KANK4: variants seen among roughly 807,000 people sequenced by gnomAD.
KANK4 encodes the protein KN motif and ankyrin repeat domains 4.
Under a neutral mutation model 80.8 loss-of-function variants are expected in KANK4, and 50 were observed. The ratio of observed to expected loss-of-function variants is 0.62; its 90% CI spans 0.49 to 0.78. KANK4 has a LOEUF of 0.78. Ranked by LOEUF, KANK4 falls within the 30% of genes least tolerant of loss-of-function variation. KANK4 has a pLI of 0.00. For synonymous variants in KANK4, 465 were observed against 506.9 expected (o/e 0.92, Z 1.11); for missense variants, 1,196 against 1,240.1 (o/e 0.96, Z 0.53).
intron 6 of KANK4, 116 bp from the exon 7 acceptor site, chr1:62,263,427 G>C: frequency 1.2e-6 from 1 of 818,800 alleles, no homozygotes; most frequent in East Asian, 2.7e-5. Context: ...AGCTTGCCAT[G>C]TGATTTATTC....
chr1:62,280,869 G>A (rs775239104), intron 2 of KANK4, among the ~76,000 whole-genome samples: 6 of 152,308 alleles, frequency 3.9e-5, no homozygotes, highest in Admixed American at 6.5e-5. Context: ...CCTCTACCAC[G>A]CTGACACTGG....
At chr1:62,299,261 A>G (rs1029980624) in intron 1 of KANK4, among the ~76,000 whole-genome samples, 21 of 152,006 alleles carry the variant, frequency 1.4e-4, no homozygotes, top group African/African-American at 4.8e-4. Context: ...GGCTCTCATT[A>G]TGTTCCCCAG....
chr1:62,259,355 C>A (rs1671824638), intron 7 of KANK4, among the ~76,000 whole-genome samples: 1 of 152,120 alleles, frequency 6.6e-6, no homozygotes, highest in South Asian at 2.1e-4. Flanking sequence ...CGGCTCACTG[C>A]AGCCTCAACT....
chr1:62,282,998 C>T (rs771688277), intron 1 of KANK4, among the ~76,000 whole-genome samples: 3 of 152,164 alleles, frequency 2.0e-5, no homozygotes, highest in Non-Finnish European at 4.4e-5. Context: ...AGGAGGCAGA[C>T]GGTGGAGAGG....
At chr1:62,279,194 G>GCTCACACACA (rs1472669654) in intron 2 of KANK4, among the ~76,000 whole-genome samples, 7 of 51,804 alleles carry the variant, frequency 1.4e-4, no homozygotes, top group African/African-American at 5.1e-4. Context: ...CTAAGCTAGC[G>GCTCACACACA]CGCGCACACA....
At chr1:62,302,823 A>G (rs1644422820) in intron 1 of KANK4, among the ~76,000 whole-genome samples, 1 of 152,162 alleles carries the variant, frequency 6.6e-6, no homozygotes, top group Non-Finnish European at 1.5e-5. Context: ...CAAATGGACT[A>G]AGACAGAGGT....
intron 1 of KANK4, among the ~76,000 whole-genome samples, chr1:62,307,297 A>G (rs1314732524): frequency 2.0e-5 from 3 of 152,008 alleles, no homozygotes; most frequent in African/African-American, 7.3e-5. Flanking sequence ...AGCCGGGCCA[A>G]CATGGTGAAA....
intron 6 of KANK4, 77 bp downstream of exon 6, chr1:62,266,655 G>A: frequency 1.0e-6 from 1 of 976,944 alleles, no homozygotes; most frequent in Non-Finnish European, 1.6e-6. Flanking sequence ...CCACTGAATG[G>A]GACCAAAGTC....
At chr1:62,278,252 G>T (rs1411939762) in intron 2 of KANK4, among the ~76,000 whole-genome samples, 1 of 152,036 alleles carries the variant, frequency 6.6e-6, no homozygotes, top group Non-Finnish European at 1.5e-5. Context: ...GGAGCTCAAG[G>T]TAATGGAGGG....
At chr1:62,268,607 G>A (rs1672086787) in intron 4 of KANK4, 102 bp from the exon 5 acceptor site, 2 of 866,926 alleles carry the variant, frequency 2.3e-6, no homozygotes, top group Non-Finnish European at 3.8e-6. Flanking sequence ...TCCGCAGCTT[G>A]CTAATCTCCT....
chr1:62,319,428 C>G lies in KANK4; in HGVS notation c.-393G>C, dbSNP rs967110423. 1 of 151,962 alleles carries G rather than the reference C, an allele frequency of 6.6e-6. No homozygotes were observed. Among genetic ancestry groups the G allele is most frequent in the Admixed American group, 6.5e-5 (1 of 15,280 alleles). The allele number at this position is 151,962 out of a possible 1,614,324, so 9.4% of individuals were successfully genotyped here. A position where few individuals can be genotyped will look rare whatever the true frequency, so the allele number is the denominator to read the frequency against. On this transcript the variant is annotated 5_prime_UTR_variant, in exon 1 of 10. Transcript: ENST00000371153. Reference sequence around the variant, plus strand: ...AACAGCGCCCGAGTCCCCGCCTTCGCTAGGGGAGAAAAAAAAGACTCCTGA... The same window carrying G: ...AACAGCGCCCGAGTCCCCGCCTTCGGTAGGGGAGAAAAAAAAGACTCCTGA...
rs548455135 is a variant in KANK4, at chr1:62,300,919, T to A, written c.-71+18187A>T. Among the ~76,000 whole-genome samples the A allele has an allele frequency of 1.4e-3, 206 of 151,864 alleles. 2 individuals carry two copies. Among genetic ancestry groups the A allele is most frequent in the Non-Finnish European group, 2.2e-3 (152 of 67,880 alleles). On this transcript the variant is annotated intron_variant, in intron 1 of 9. Coordinates refer to ENST00000371153, the MANE Select transcript of KANK4 (RefSeq NM_181712.5). ...TTCCCTAAATGCTCCTTTTATTTAT[T>A]TTTTTTCTTGTAAGAGAACAGAAGC... is the stretch of plus-strand genomic sequence containing the variant.
At chr1:62,261,567 T>C (rs1331351748) in intron 7 of KANK4, among the ~76,000 whole-genome samples, 3 of 151,968 alleles carry the variant, frequency 2.0e-5, no homozygotes, top group Admixed American at 6.6e-5. Context: ...TGCCACCTCC[T>C]CTCCTGCTCC....
chr1:62,302,667 T>C (rs1372928421), intron 1 of KANK4, among the ~76,000 whole-genome samples: 2 of 152,090 alleles, frequency 1.3e-5, no homozygotes, highest in Admixed American at 6.5e-5. Context: ...AGAAGACAAC[T>C]GTCTATGAAC....
At chr1:62,241,696 T>C (rs1671345764) in intron 9 of KANK4, among the ~76,000 whole-genome samples, 1 of 152,204 alleles carries the variant, frequency 6.6e-6, no homozygotes, top group African/African-American at 2.4e-5. Flanking sequence ...TGGAAAGTAC[T>C]GGAACAAAAC....
intron 8 of KANK4, 30 bp from the exon 9 acceptor site, chr1:62,247,702 G>C: frequency 6.2e-7 from 1 of 1,605,008 alleles, no homozygotes; most frequent in Non-Finnish European, 8.5e-7. Context: ...GATGTGGTGA[G>C]GTTGCTGCCA....
intron 1 of KANK4, among the ~76,000 whole-genome samples, chr1:62,310,407 G>A (rs1300206247): frequency 6.6e-6 from 1 of 152,198 alleles, no homozygotes; most frequent in African/African-American, 2.4e-5. Flanking sequence ...GAGAGAGGGA[G>A]AAAGCAGCAG....
chr1:62,236,624 T>C lies in KANK4; in HGVS notation c.*1653A>G, dbSNP rs967546854. Among the ~76,000 whole-genome samples, 10 of 145,378 alleles carry C rather than the reference T, an allele frequency of 6.9e-5. No homozygotes were observed. Among genetic ancestry groups the C allele is most frequent in the Non-Finnish European group, 1.2e-4 (8 of 66,952 alleles). ...TTTTTTTTTTTTTTTGAGACAGAGTTTTGCTCGTTACCCAGGCTGGAGTGC... is the reference window on the plus strand; with the variant it reads ...TTTTTTTTTTTTTTTGAGACAGAGTCTTGCTCGTTACCCAGGCTGGAGTGC... On this transcript the variant is annotated 3_prime_UTR_variant, in exon 10 of 10. Transcript: ENST00000371153.
chr1:62,291,236 G>A (rs1027159159), intron 1 of KANK4, among the ~76,000 whole-genome samples: 1 of 152,126 alleles, frequency 6.6e-6, no homozygotes, highest in African/African-American at 2.4e-5. Flanking sequence ...ATCATCTTTG[G>A]AGAAATGTCC....
Sources: allele counts gnomAD v4.1 joint callset (sites outside exome capture counted in the v4.1 genomes callset), GRCh38; gene constraint gnomAD v4.1.1; transcripts MANE v1.5; gene names NCBI Gene and HGNC (gene_info 2026-07-23, HGNC 2026-07-21).